The following SLC12A9 variants were observed in gnomAD, a reference collection of about 807,000 sequenced individuals.
SLC12A9 encodes CCC-interacting protein 1.
A neutral mutation model predicts 66.0 loss-of-function variants in SLC12A9; 55 were observed. The observed-to-expected ratio is 0.83, with a 90% CI of 0.67 to 1.04. The LOEUF (loss-of-function observed/expected upper bound fraction) is 1.04, where lower values mean the gene tolerates loss of function less well. SLC12A9 is among the 50% of genes least tolerant of loss of function. The pLI is 0.00. For synonymous variants in SLC12A9, 577 were observed against 569.0 expected, an observed-to-expected ratio of 1.01 and a Z score of -0.20; for missense variants, 1,061 against 1,241.9, an observed-to-expected ratio of 0.85 and a Z score of 2.19.
At chr7:100,842,987 C>G (rs762436087) in intron 1 of SLC12A9, among the ~76,000 whole-genome samples, 71 of 152,378 alleles carry the variant, frequency 4.7e-4, no homozygotes, top group Non-Finnish European at 8.8e-4. Flanking sequence ...TCTCTCACTA[C>G]AGGGAGGAAA....
chr7:100,832,646 G>A (rs1311289194), intron 1 of SLC12A9, among the ~76,000 whole-genome samples: 1 of 152,010 alleles, frequency 6.6e-6, no homozygotes, highest in Non-Finnish European at 1.5e-5. Flanking sequence ...AGTATTCCAG[G>A]GCTATATCAG....
intron 1 of SLC12A9, among the ~76,000 whole-genome samples, chr7:100,828,160 C>T (rs1328508521): frequency 6.6e-6 from 1 of 152,212 alleles, no homozygotes; most frequent in Non-Finnish European, 1.5e-5. Context: ...ACTGTGCGCG[C>T]AACCAAGCCC....
In SLC12A9 at chr7:100,859,936, C is replaced by T. The variant is rs779338438; in HGVS notation, c.1029C>T (p.Pro343=). ...YGFFRAISLW[P]PLVLIGIYAT... ...TCTTCCGCGCCATCAGCCTGTGGCC[C>T]CCACTGGTGTTGATCGGAATCTATG... Residue 343 remains proline (P), a synonymous_variant, in exon 8 of 14, where the codon CCC becomes CCT. Coordinates refer to ENST00000354161, the MANE Select transcript of SLC12A9 (RefSeq NM_020246.4). The T allele has an allele frequency of 1.2e-6, 2 of 1,610,908 alleles. No homozygotes were observed. Among genetic ancestry groups the T allele is most frequent in the Non-Finnish European group, 1.7e-6 (2 of 1,177,268 alleles).
At chr7:100,830,628 A>G (rs1487634887) in intron 1 of SLC12A9, among the ~76,000 whole-genome samples, 1 of 151,986 alleles carries the variant, frequency 6.6e-6, no homozygotes, top group African/African-American at 2.4e-5. Context: ...AAAGAATGAA[A>G]AAATGAAATC....
At chr7:100,839,129 C>T (rs1813728691) in intron 1 of SLC12A9, among the ~76,000 whole-genome samples, 1 of 152,092 alleles carries the variant, frequency 6.6e-6, no homozygotes, top group African/African-American at 2.4e-5. Context: ...CGAGACCATC[C>T]TGGCTAACAC....
At chr7:100,828,551 C>CAAAAA (rs34743877) in intron 1 of SLC12A9, among the ~76,000 whole-genome samples, 5 of 40,652 alleles carry the variant, frequency 1.2e-4, no homozygotes, top group African/African-American at 5.2e-4. Context: ...GACGAAATCT[C>CAAAAA]AAAAAAAAAA....
chr7:100,848,574 G>C (rs1262049369), upstream of SLC12A9, among the ~76,000 whole-genome samples: 1 of 151,798 alleles, frequency 6.6e-6, no homozygotes, highest in Non-Finnish European at 1.5e-5. Context: ...GGATGAGATC[G>C]TGAAGGGACT....
chr7:100,843,078 A>C (rs979769379), intron 1 of SLC12A9, among the ~76,000 whole-genome samples: 1 of 152,232 alleles, frequency 6.6e-6, no homozygotes, highest in Admixed American at 6.5e-5. Context: ...GCCCTTGTTC[A>C]TCCCTGAGCG....
At position 100,854,425 on chromosome 7, in the gene SLC12A9, A is replaced by G. The variant is rs538550030; in HGVS notation, c.181+47A>G. 4 of 1,599,108 alleles carry G rather than the reference A, an allele frequency of 2.5e-6. No individual in the cohort carries two copies. In the South Asian group the frequency reaches 4.5e-5, roughly 18 times the overall value. The stretch of plus-strand genomic sequence containing the variant: ...TGTGGACTGACTATAGTATGGGAGG[A>G]CATGATGGGGAGGGGTGGAGATGGG... On this transcript the variant is annotated intron_variant, in intron 2 of 13. Transcript: ENST00000354161.
intron 12 of SLC12A9, 79 bp from the exon 13 acceptor site, chr7:100,862,602 G>GC (rs747994032): frequency 6.4e-6 from 10 of 1,553,566 alleles, no homozygotes; most frequent in Non-Finnish European, 8.8e-6. Flanking sequence ...CCCTGCCCAG[G>GC]CCCGTCTGTG....
chr7:100,833,065 T>C (rs1187454249), intron 1 of SLC12A9, among the ~76,000 whole-genome samples: 1 of 152,180 alleles, frequency 6.6e-6, no homozygotes, highest in Admixed American at 6.6e-5. Context: ...TGTGATCCAC[T>C]GCACCTGGCC....
chr7:100,861,553 G>T lies in SLC12A9; in HGVS notation c.1505G>T (p.Gly502Val), dbSNP rs1355724638. 2 of 1,613,532 alleles carry T rather than the reference G, an allele frequency of 1.2e-6. No homozygotes were observed. The highest frequency in any genetic ancestry group is 8.5e-7 in the Non-Finnish European group (1 of 1,180,024). Reference sequence around the variant, plus strand: ...GCGCGAGGAGGCCCCAGTAGCTGGGGCTATGTCAGCCAGGCCTTGCTTTTC... The same window carrying T: ...GCGCGAGGAGGCCCCAGTAGCTGGGTCTATGTCAGCCAGGCCTTGCTTTTC... ...LTARGGPSSW[G>V]YVSQALLFHQ... Residue 502 changes from glycine to valine, a missense_variant, in exon 11 of 14, where the codon GGC becomes GTC. Coordinates refer to ENST00000354161, the MANE Select transcript of SLC12A9 (RefSeq NM_020246.4). The surrounding 1 kb of genome is among the most constrained non-coding windows in gnomAD (Gnocchi z 5.3).
At position 100,861,769 on chromosome 7, in the gene SLC12A9, GA is replaced by G; in HGVS notation, c.1571del (p.Lys524ArgfsTer4). ...AGTATCTGCTTCGGCTGGACGTCCG[GA>G]AGGATCACGTGAAGTTCTGGCGGCC... ...RKYLLRLDVR[K>X]DHVKFWRPQL... On this transcript the variant is annotated frameshift_variant, in exon 12 of 14. Transcript: ENST00000354161. LOFTEE classifies it high-confidence loss of function. The surrounding 1 kb of genome is among the most constrained non-coding windows in gnomAD (Gnocchi z 5.3). The G allele has an allele frequency of 6.2e-7, 1 of 1,614,112 alleles. No individual in the cohort carries two copies. The highest frequency in any genetic ancestry group is 8.5e-7 in the Non-Finnish European group (1 of 1,180,008).
At chr7:100,864,301 G>A (rs1364894551) in intron 13 of SLC12A9, among the ~76,000 whole-genome samples, 4 of 152,072 alleles carry the variant, frequency 2.6e-5, no homozygotes, top group Admixed American at 2.0e-4. Flanking sequence ...GGCTGATCTC[G>A]AACTTCCAAC....
chr7:100,836,968 C>T (rs543762872), intron 1 of SLC12A9, among the ~76,000 whole-genome samples: 29 of 152,264 alleles, frequency 1.9e-4, no homozygotes, highest in African/African-American at 6.5e-4. Context: ...GCAGACGGGG[C>T]ATGTGTGTGT....
At chr7:100,855,613 G>A (rs918844134) in intron 3 of SLC12A9, 93 bp from the exon 4 acceptor site, 12 of 1,556,856 alleles carry the variant, frequency 7.7e-6, no homozygotes, top group Non-Finnish European at 9.7e-6. Flanking sequence ...CTGGGGCCTG[G>A]CTGCACTTGG....
At chr7:100,850,678 C>T (rs919098280), upstream of SLC12A9, among the ~76,000 whole-genome samples, 3 of 151,608 alleles carry the variant, frequency 2.0e-5, no homozygotes, top group Non-Finnish European at 4.4e-5. Context: ...AGACAACAGG[C>T]GTGCACCACC....
intron 1 of SLC12A9, among the ~76,000 whole-genome samples, chr7:100,833,527 C>T (rs1404439607): frequency 1.3e-5 from 2 of 151,644 alleles, no homozygotes; most frequent in Non-Finnish European, 2.9e-5. Context: ...AAAAAACAGA[C>T]AAGGTATGGT....
chr7:100,859,352 A>T, intron 7 of SLC12A9, 191 bp downstream of exon 7: 1 of 607,166 alleles, frequency 1.6e-6, no homozygotes, highest in Non-Finnish European at 2.9e-6. Flanking sequence ...TTAGCTTGGG[A>T]GTGAGGGTGG....
Sources: allele counts gnomAD v4.1 joint callset (sites outside exome capture counted in the v4.1 genomes callset), GRCh38; gene constraint gnomAD v4.1.1; non-coding constraint Gnocchi (gnomAD v3.1); transcripts MANE v1.5; gene names NCBI Gene and HGNC (gene_info 2026-07-23, HGNC 2026-07-21).